Variants in FKBP6 observed in about 807,000 individuals in gnomAD.
FKBP6 encodes the protein FKBP prolyl isomerase family member 6 (inactive).
Under a neutral mutation model 41.7 loss-of-function variants are expected in FKBP6, and 29 were observed. The observed-to-expected ratio is 0.70, with a 90% CI of 0.52 to 0.95. FKBP6 has a LOEUF of 0.95. FKBP6 is among the 40% of genes least tolerant of loss of function. The pLI is 0.00. For synonymous variants in FKBP6, 130 were observed against 165.1 expected, an observed-to-expected ratio of 0.79 and a Z score of 1.63; for missense variants, 338 against 408.7, an observed-to-expected ratio of 0.83 and a Z score of 1.49.
chr7:73,347,095 G>A (rs188148932), intron 8 of FKBP6, among the ~76,000 whole-genome samples: 7 of 152,294 alleles, frequency 4.6e-5, no homozygotes, highest in Admixed American at 2.0e-4. Context: ...GCTTACCTAC[G>A]CGTGGCTTTC....
At chr7:73,331,537 A>G (rs1804841725) in intron 4 of FKBP6, 120 bp from the exon 5 acceptor site, 5 of 916,560 alleles carry the variant, frequency 5.5e-6, no homozygotes, top group East Asian at 2.4e-5. Context: ...AAATGGAGAC[A>G]TGTTCTCACT....
intron 8 of FKBP6, among the ~76,000 whole-genome samples, chr7:73,347,891 C>G (rs1420262984): frequency 1.3e-5 from 2 of 152,218 alleles, no homozygotes; most frequent in African/African-American, 4.8e-5. Flanking sequence ...GTGATCCTCC[C>G]TCCTTGGCCT....
intron 7 of FKBP6, among the ~76,000 whole-genome samples, chr7:73,341,597 A>G (rs1554549608): frequency 6.6e-6 from 1 of 151,458 alleles, no homozygotes; most frequent in African/African-American, 2.4e-5. Flanking sequence ...ATACATCTCC[A>G]TCATCGCCCA....
At chr7:73,332,256 G>A (rs1804869454) in intron 5 of FKBP6, among the ~76,000 whole-genome samples, 1 of 152,004 alleles carries the variant, frequency 6.6e-6, no homozygotes. Context: ...GGCCAAGGCA[G>A]GTGGATCACC....
intron 5 of FKBP6, among the ~76,000 whole-genome samples, chr7:73,332,875 T>C (rs1437029756): frequency 2.0e-5 from 3 of 152,252 alleles, no homozygotes; most frequent in African/African-American, 7.2e-5. Context: ...ATTTGGCGAT[T>C]CTAGCCTGAG....
chr7:73,332,493 CAAAA>C (rs202138259), intron 5 of FKBP6, among the ~76,000 whole-genome samples: 1 of 119,462 alleles, frequency 8.4e-6, no homozygotes, highest in African/African-American at 3.1e-5. Flanking sequence ...ACTCCCATCT[CAAAA>C]AAAAAAAAAA....
intron 5 of FKBP6, among the ~76,000 whole-genome samples, chr7:73,340,166 A>G (rs192976400): frequency 7.1e-4 from 108 of 152,108 alleles, no homozygotes; most frequent in African/African-American, 2.5e-3. Context: ...ATTCTTTTTG[A>G]TGCTATTGTA....
At chr7:73,340,263 T>G (rs1253287737) in intron 5 of FKBP6, among the ~76,000 whole-genome samples, 1 of 151,872 alleles carries the variant, frequency 6.6e-6, no homozygotes, top group Non-Finnish European at 1.5e-5. Flanking sequence ...GCATGGTGGC[T>G]CACGCCTGTA....
intron 5 of FKBP6, among the ~76,000 whole-genome samples, chr7:73,335,164 G>C: frequency 6.7e-6 from 1 of 149,448 alleles, no homozygotes; most frequent in Middle Eastern, 3.5e-3. Context: ...TCCTATTACT[G>C]TGAAGGAAGG....
chr7:73,341,211 A>G (rs1439024034), intron 6 of FKBP6, 62 bp from the exon 7 acceptor site: 1 of 1,173,546 alleles, frequency 8.5e-7, no homozygotes, highest in Non-Finnish European at 1.3e-6. Context: ...GGCATGAGCC[A>G]CCGTGCCCAG....
At chr7:73,343,140 C>CTATT (rs201357426) in intron 8 of FKBP6, among the ~76,000 whole-genome samples, 9 of 152,018 alleles carry the variant, frequency 5.9e-5, no homozygotes, top group African/African-American at 2.4e-5. Flanking sequence ...GGGCCTTGAG[C>CTATT]TATTTATTTA....
At chr7:73,342,946 G>C (rs374052201) in intron 8 of FKBP6, 47 bp downstream of exon 8, 1 of 1,269,104 alleles carries the variant, frequency 7.9e-7, no homozygotes, top group Non-Finnish European at 1.2e-6. Context: ...ATGGAGAAGC[G>C]TGCTGCTCTC....
At chr7:73,334,865 GC>G (rs1436208954) in intron 5 of FKBP6, among the ~76,000 whole-genome samples, 1 of 152,096 alleles carries the variant, frequency 6.6e-6, no homozygotes, top group Non-Finnish European at 1.5e-5. Context: ...GCAAGCTAGG[GC>G]CAGTTGGTGA....
rs372190543 is a variant in FKBP6, at chr7:73,341,299, A to G, written c.810A>G (p.Gln270=). The change falls in exon 7 of 9, where the codon CAA becomes CAG. Residue 270 remains glutamine (Q), a synonymous_variant. Transcript: ENST00000252037. ...GQACLLLTEY[Q]KARDFLVRAQ... ...CTTGTCTTCTCCTGACTGAGTATCA[A>G]AAGGCCCGGGATTTTCTAGTTCGAG... is the stretch of plus-strand genomic sequence containing the variant. The G allele has an allele frequency of 1.0e-4, 161 of 1,613,162 alleles. No individual in the cohort carries two copies. The highest frequency in any genetic ancestry group is 1.3e-4 in the Non-Finnish European group (152 of 1,179,184).
intron 3 of FKBP6, 67 bp downstream of exon 3, chr7:73,329,516 G>A: frequency 1.0e-6 from 1 of 991,616 alleles, no homozygotes; most frequent in Non-Finnish European, 1.6e-6. Flanking sequence ...CGATGCCTCA[G>A]GCTGGGAAGA....
chr7:73,331,772 A>G lies in FKBP6; in HGVS notation c.584A>G (p.Lys195Arg), dbSNP rs781852574. Reference sequence around the variant, plus strand: ...TTCTATGATGCCAAAGTGAGATATAAAAGGGTGAGAATGCTTTGAAAGTTA... The same window carrying G: ...TTCTATGATGCCAAAGTGAGATATAGAAGGGTGAGAATGCTTTGAAAGTTA... ...NRFYDAKVRY[K>R]RALLLLRRRS... is the part of the protein sequence containing the mutation. The change falls in exon 5 of 9, where the codon AAA becomes AGA. Residue 195 changes from lysine (K) to arginine (R), a missense_variant. By Grantham distance (26) the Lys-to-Arg change is conservative. Coordinates refer to ENST00000252037, the MANE Select transcript of FKBP6 (RefSeq NM_003602.5). The G allele has an allele frequency of 6.2e-7, 1 of 1,613,822 alleles. No individual in the cohort carries two copies. Among genetic ancestry groups the G allele is most frequent in the Non-Finnish European group, 8.5e-7 (1 of 1,179,696 alleles).
Position 73,356,440 on chromosome 7 carries a change from G to T in FKBP6, c.*3-1741G>T, listed in dbSNP as rs1182465047. ...ACCTCTCCAGTGGCTGTACCAGTTT[G>T]TTCTTGGTAGTGTCTGAGAGATTCC... On this transcript the variant is annotated intron_variant, in intron 8 of 8. Coordinates refer to ENST00000252037, the MANE Select transcript of FKBP6 (RefSeq NM_003602.5). Among the ~76,000 whole-genome samples, 4 of 152,188 alleles carry T rather than the reference G, an allele frequency of 2.6e-5. No individual in the cohort carries two copies. In the East Asian group the frequency reaches 7.7e-4, roughly 29 times the overall value.
At chr7:73,328,950 C>T (rs1176249099) in intron 2 of FKBP6, among the ~76,000 whole-genome samples, 1 of 151,934 alleles carries the variant, frequency 6.6e-6, no homozygotes, top group East Asian at 1.9e-4. Flanking sequence ...GATTTACAGG[C>T]GCGATCCACC....
intron 8 of FKBP6, among the ~76,000 whole-genome samples, chr7:73,350,967 A>G (rs75075932): frequency 0.027 from 4,087 of 152,290 alleles, 66 homozygotes; most frequent in South Asian, 0.042. Flanking sequence ...CCTTCTTCCC[A>G]AAGAGATTAA....
Sources: gnomAD v4.1 joint callset for allele counts (sites outside exome capture counted in the v4.1 genomes callset) on GRCh38, gnomAD v4.1.1 for gene constraint, MANE v1.5 for transcripts, NCBI Gene and HGNC (gene_info 2026-07-23, HGNC 2026-07-21) for gene names.